Variants in C15orf40 observed in about 807,000 individuals in gnomAD.
C15orf40 encodes UPF0235 protein C15orf40.
In C15orf40, 9 loss-of-function variants were observed where a neutral mutation model predicts 13.9. The ratio of observed to expected loss-of-function variants is 0.65; its 90% CI spans 0.39 to 1.13. The LOEUF (loss-of-function observed/expected upper bound fraction) is 1.13, where lower values mean the gene tolerates loss of function less well. C15orf40 is among the 50% of genes most tolerant of loss of function. The pLI, the probability that C15orf40 is intolerant of heterozygous loss-of-function variation, is 0.01. For missense variants in C15orf40, 225 were observed against 188.5 expected (o/e 1.19, Z -1.13); for synonymous variants, 95 against 69.2 (o/e 1.37, Z -1.85).
At position 82,999,778 on chromosome 15, in the gene C15orf40, GT is replaced by G. The variant is rs2031334575; in HGVS notation, c.*5818del. On this transcript the variant is annotated 3_prime_UTR_variant, in exon 4 of 4. Coordinates refer to ENST00000304177, the MANE Select transcript of C15orf40 (RefSeq NM_144597.3). Reference sequence around the variant, plus strand: ...TTCTGTAGAAATGACCAGGGAGTACGTAACTTGTGGCTGCAAAGTTTGGGGA... The same window carrying G: ...TTCTGTAGAAATGACCAGGGAGTACGAACTTGTGGCTGCAAAGTTTGGGGA... The G allele has an allele frequency of 6.6e-6, 1 of 152,128 alleles. No homozygotes were observed. The allele number at this position is 152,128 out of a possible 1,614,324, so 9.4% of individuals were successfully genotyped here.
In C15orf40 at chr15:82,996,517, C is replaced by T. The variant is rs967924963; in HGVS notation, c.*9080G>A. On this transcript the variant is annotated 3_prime_UTR_variant, in exon 4 of 4. Coordinates refer to ENST00000304177, the MANE Select transcript of C15orf40 (RefSeq NM_144597.3). Reference sequence around the variant, plus strand: ...AATTAGCCGGGCGTGGTGGCGGGCACCTGCAGTCCCAGCTACTCAGGAGGC... The same window carrying T: ...AATTAGCCGGGCGTGGTGGCGGGCATCTGCAGTCCCAGCTACTCAGGAGGC... 2 of 151,902 alleles carry T rather than the reference C, an allele frequency of 1.3e-5. No individual in the cohort carries two copies. The highest frequency in any genetic ancestry group is 4.8e-5 in the African/African-American group (2 of 41,308). The allele number at this position is 151,902 out of a possible 1,614,324, so 9.4% of individuals were successfully genotyped here.
rs1255266029 is a variant in C15orf40 at position 82,999,388 on chromosome 15, G to T, written c.*6209C>A. 6.6e-6 allele frequency: 1 copy of T among 151,900 alleles called. No individual in the cohort carries two copies. Among genetic ancestry groups the T allele is most frequent in the Non-Finnish European group, 1.5e-5 (1 of 68,020 alleles). 9.4% of individuals were successfully genotyped at this position (151,900 alleles called of 1,614,324 possible). A position where few individuals can be genotyped will look rare whatever the true frequency, so the allele number is the denominator to read the frequency against. ...TTTTAATTTTTTTTGGAGAAATGGG[G>T]TCTTACCACGTCGCCCAAGCTGGTC... On this transcript the variant is annotated 3_prime_UTR_variant, in exon 4 of 4. Transcript: ENST00000304177.
At chr15:83,006,539 C>G (rs568039471) in intron 3 of C15orf40, 1 of 886,492 alleles carries the variant, frequency 1.1e-6, no homozygotes, top group Non-Finnish European at 1.4e-6. Flanking sequence ...GCGGGTGGAT[C>G]ACCTGAGGTC....
rs781626119 is a variant in C15orf40 at position 83,003,121 on chromosome 15, CTTTTTTTTTTT to C, written c.*2465_*2475del. On this transcript the variant is annotated 3_prime_UTR_variant, in exon 4 of 4. Transcript: ENST00000304177. The stretch of plus-strand genomic sequence containing the variant: ...CAACACGCCTGACCAAAAGTTGATC[CTTTTTTTTTTT>C]TTTTTTTTTTGAGATGGAGTTTCGC... 1.7e-5 allele frequency: 2 copies of C among 114,516 alleles called. No individual in the cohort carries two copies. The highest frequency in any genetic ancestry group is 3.0e-4 in the East Asian group (1 of 3,368). The allele number at this position is 114,516 out of a possible 1,614,324, so 7.1% of individuals were successfully genotyped here.
At chr15:82,989,125 C>G (rs560026998), downstream of C15orf40, 2 of 1,613,720 alleles carry the variant, frequency 1.2e-6, no homozygotes, top group South Asian at 1.1e-5. Flanking sequence ...CCTCCTGAGT[C>G]TCCTCCAATT....
At chr15:82,989,088 A>G (rs1419752965), downstream of C15orf40, 2 of 1,613,928 alleles carry the variant, frequency 1.2e-6, no homozygotes, top group East Asian at 4.5e-5. Flanking sequence ...AGAAAATGAC[A>G]AGGAGTATCA....
At position 82,997,551 on chromosome 15, in the gene C15orf40, G is replaced by A. The variant is rs1001997935; in HGVS notation, c.*8046C>T. Reference sequence around the variant, plus strand: ...CACAGATCAACAGGATCCCAAGGCAGAGGAATTTTTCTTAGTGCAGAACAA... The same window carrying A: ...CACAGATCAACAGGATCCCAAGGCAAAGGAATTTTTCTTAGTGCAGAACAA... On this transcript the variant is annotated 3_prime_UTR_variant, in exon 4 of 4. Transcript: ENST00000304177. 13 of 231,396 alleles carry A rather than the reference G, an allele frequency of 5.6e-5. No individual in the cohort carries two copies. Among genetic ancestry groups the A allele is most frequent in the Admixed American group, 1.2e-4 (2 of 16,746 alleles). The allele number at this position is 231,396 out of a possible 1,614,324, so 14.3% of individuals were successfully genotyped here. A position where few individuals can be genotyped will look rare whatever the true frequency, so the allele number is the denominator to read the frequency against.
At position 83,011,488 on chromosome 15, in the gene C15orf40, G is replaced by C; in HGVS notation, c.111+9C>G. 6.3e-7 allele frequency: 1 copy of C among 1,599,280 alleles called. No homozygotes were observed. Among genetic ancestry groups the C allele is most frequent in the Non-Finnish European group, 8.5e-7 (1 of 1,174,608 alleles). On this transcript the variant is annotated intron_variant, in intron 1 of 3. Coordinates refer to ENST00000304177, the MANE Select transcript of C15orf40 (RefSeq NM_144597.3). ...CCACCCCTCTGCCGCCACGGGACCT[G>C]CTACTGGCCTTGGTCGTCGCACCAG...
rs2031921918 is a variant in C15orf40, at chr15:83,010,257, G to C, written c.218C>G (p.Ser73Cys). The change falls in exon 2 of 4, where the codon TCC becomes TGC. Residue 73 changes from serine to cysteine, a missense_variant. Ser to Cys is a moderately radical substitution (Grantham distance 112). Transcript: ENST00000304177. ...VTIAIHAKPG[S>C]KQNAVTDLTA... ...TATACCTGTTACAGCATTTTGTTTG[G>C]AGCCAGGTTTTGCATGGATGGCTAT... 1.9e-6 allele frequency: 3 copies of C among 1,614,216 alleles called. No individual in the cohort carries two copies. The highest frequency in any genetic ancestry group is 1.1e-5 in the South Asian group (1 of 91,084).
chr15:82,989,742 T>C (rs2030779083), downstream of C15orf40: 1 of 1,113,172 alleles, frequency 9.0e-7, no homozygotes, highest in Admixed American at 2.8e-5. Flanking sequence ...ACTGGCACTA[T>C]AACATTCTAT....
chr15:83,011,460 G>A (rs1024243148), intron 1 of C15orf40, 37 bp downstream of exon 1: 1 of 1,575,104 alleles, frequency 6.3e-7, no homozygotes, highest in South Asian at 1.1e-5. Context: ...GTACCCCTGA[G>A]GCCCACCCCT....
In C15orf40 at chr15:83,005,337, T is replaced by G. The variant is rs1385261297; in HGVS notation, c.*260A>C. The G allele has an allele frequency of 5.6e-6, 5 of 898,430 alleles. No individual in the cohort carries two copies. The highest frequency in any genetic ancestry group is 6.8e-6 in the Non-Finnish European group (5 of 733,026). 55.7% of individuals were successfully genotyped at this position (898,430 alleles called of 1,614,324 possible). ...TTCACTCTTGTTGCCCAGGCTGGAG[T>G]GCAACGGCGCGATCTCGGCTTACTG... On this transcript the variant is annotated 3_prime_UTR_variant, in exon 4 of 4. Coordinates refer to ENST00000304177, the MANE Select transcript of C15orf40 (RefSeq NM_144597.3).
chr15:82,990,840 AT>A (rs2030828550), downstream of C15orf40: 1 of 508,590 alleles, frequency 2.0e-6, no homozygotes, highest in Non-Finnish European at 3.5e-6. Flanking sequence ...ATAATGCTGC[AT>A]TTTGATGGTT....
chr15:82,991,799 C>G, downstream of C15orf40: 1 of 1,043,250 alleles, frequency 9.6e-7, no homozygotes, highest in Non-Finnish European at 1.3e-6. Flanking sequence ...TCCCTAATTA[C>G]ATCAGTAGGC....
chr15:82,990,510 C>T, downstream of C15orf40: 2 of 676,152 alleles, frequency 3.0e-6, no homozygotes, highest in Non-Finnish European at 4.8e-6. Flanking sequence ...ATAGATTGTA[C>T]ATAACATCAG....
At position 82,999,601 on chromosome 15, in the gene C15orf40, G is replaced by A. The variant is rs1046071047; in HGVS notation, c.*5996C>T. ...CATGCCACCCAGTACGGCTGTAGAA[G>A]AGAACTAAAGGCTAGCTAGCATTTC... On this transcript the variant is annotated 3_prime_UTR_variant, in exon 4 of 4. Transcript: ENST00000304177. The A allele has an allele frequency of 6.6e-6, 1 of 152,238 alleles. No individual in the cohort carries two copies. Among genetic ancestry groups the A allele is most frequent in the African/African-American group, 2.4e-5 (1 of 41,444 alleles). The allele number at this position is 152,238 out of a possible 1,614,324, so 9.4% of individuals were successfully genotyped here.
rs1038136847 is a variant in C15orf40, at chr15:83,004,234, C to A, written c.*1363G>T. The A allele has an allele frequency of 6.1e-6, 5 of 823,966 alleles. No homozygotes were observed. In the African/African-American group the frequency reaches 9.3e-5, roughly 15 times the overall value. The allele number at this position is 823,966 out of a possible 1,614,324, so 51.0% of individuals were successfully genotyped here. On this transcript the variant is annotated 3_prime_UTR_variant, in exon 4 of 4. Coordinates refer to ENST00000304177, the MANE Select transcript of C15orf40 (RefSeq NM_144597.3). The stretch of plus-strand genomic sequence containing the variant: ...CAAGTGTTCCTCCTGCCTCAACCTT[C>A]CAAAGCGCTGGGATTACAGGCGTGA...
chr15:83,009,820 G>A (rs868025461), intron 2 of C15orf40, among the ~76,000 whole-genome samples: 4 of 152,078 alleles, frequency 2.6e-5, no homozygotes, highest in Non-Finnish European at 5.9e-5. Context: ...AAACAAATTC[G>A]CACAGGAACT....
chr15:82,989,406 T>C (rs1013177101), downstream of C15orf40, among the ~76,000 whole-genome samples: 1 of 152,268 alleles, frequency 6.6e-6, no homozygotes, highest in African/African-American at 2.4e-5. Context: ...CGTGTGTTTT[T>C]TTGTTTTTAG....
Sources: gnomAD v4.1 joint callset for allele counts (sites outside exome capture counted in the v4.1 genomes callset) on GRCh38, gnomAD v4.1.1 for gene constraint, MANE v1.5 for transcripts, NCBI Gene and HGNC (gene_info 2026-07-23, HGNC 2026-07-21) for gene names.